The following PDE1C variants were observed in gnomAD, a reference collection of about 807,000 sequenced individuals.
The protein encoded by PDE1C is phosphodiesterase 1C.
A neutral mutation model predicts 93.1 loss-of-function variants in PDE1C; 62 were observed. The ratio of observed to expected loss-of-function variants is 0.67; its 90% CI spans 0.54 to 0.82. PDE1C has a LOEUF of 0.82. Ranked by LOEUF, PDE1C falls within the 40% of genes least tolerant of loss-of-function variation. The probability of loss-of-function intolerance (pLI) is 0.00; values close to 1 mark genes in which losing one functional copy is unlikely to be tolerated. For missense variants in PDE1C, 742 were observed against 884.6 expected (o/e 0.84, Z 2.04); for synonymous variants, 325 against 310.1 (o/e 1.05, Z -0.50).
At chr7:32,201,581 C>A (rs1403063377) in intron 2 of PDE1C, among the ~76,000 whole-genome samples, 1 of 152,180 alleles carries the variant, frequency 6.6e-6, no homozygotes, top group East Asian at 1.9e-4. Context: ...TCCATCAAAG[C>A]AAGAGAGATA....
chr7:32,391,482 C>G (rs1784749601), intron 1 of PDE1C, among the ~76,000 whole-genome samples: 1 of 152,060 alleles, frequency 6.6e-6, no homozygotes. Flanking sequence ...AATTCAAACA[C>G]CATCATCAAA....
At chr7:32,320,280 C>T (rs1783262490) in intron 1 of PDE1C, among the ~76,000 whole-genome samples, 1 of 152,060 alleles carries the variant, frequency 6.6e-6, no homozygotes, top group Admixed American at 6.5e-5. Context: ...TTTCTATCCT[C>T]TTGGTTAGTC....
chr7:31,930,846 C>A (rs868029880), intron 2 of PDE1C, among the ~76,000 whole-genome samples: 47 of 29,576 alleles, frequency 1.6e-3, no homozygotes, highest in South Asian at 3.2e-3. Context: ...AAGACTCTGT[C>A]TCAAAAAAAA....
At chr7:32,264,186 G>C (rs1197321937) in intron 1 of PDE1C, among the ~76,000 whole-genome samples, 1 of 152,120 alleles carries the variant, frequency 6.6e-6, no homozygotes, top group Non-Finnish European at 1.5e-5. Flanking sequence ...AGAATCACTA[G>C]ATAGAGAATT....
At chr7:32,076,651 AAAAAAAG>A in intron 3 of PDE1C, among the ~76,000 whole-genome samples, 1 of 129,688 alleles carries the variant, frequency 7.7e-6, no homozygotes, top group African/African-American at 2.9e-5. Context: ...TCAAAAAAAA[AAAAAAAG>A]AAAAAAAGAA....
chr7:31,718,635 C>A, the PDE1C span, among the ~76,000 whole-genome samples: 1 of 152,088 alleles, frequency 6.6e-6, no homozygotes. Context: ...GCACATGGGG[C>A]CCCCATTCAT....
chr7:32,070,227 C>T (rs974854482), intron 1 of PDE1C, 66 bp downstream of exon 1: 10 of 1,605,452 alleles, frequency 6.2e-6, no homozygotes, highest in Non-Finnish European at 8.5e-6. Flanking sequence ...GTCGTGACTG[C>T]GGCTGTGTGG....
chr7:32,175,086 C>A (rs1470650634), intron 2 of PDE1C, among the ~76,000 whole-genome samples: 3 of 152,094 alleles, frequency 2.0e-5, no homozygotes, highest in African/African-American at 7.2e-5. Context: ...TACCAGCCCC[C>A]ACAAAGATAC....
chr7:31,733,897 G>C, the PDE1C span, among the ~76,000 whole-genome samples: 2 of 152,076 alleles, frequency 1.3e-5, no homozygotes, highest in Non-Finnish European at 2.9e-5. Flanking sequence ...CCAGCTACTC[G>C]GGAGGCTGAG....
At chr7:31,900,435 T>A (rs1799827647) in intron 2 of PDE1C, among the ~76,000 whole-genome samples, 1 of 150,528 alleles carries the variant, frequency 6.6e-6, no homozygotes. Flanking sequence ...TTTACTGTAA[T>A]ATACAATCCT....
chr7:31,651,224 TG>T, the PDE1C span: 5 of 1,613,584 alleles, frequency 3.1e-6, no homozygotes, highest in Non-Finnish European at 4.2e-6. Context: ...CAGCACCTTA[TG>T]GGACAGCAGG....
the PDE1C span, among the ~76,000 whole-genome samples, chr7:31,628,456 T>C: frequency 1.9e-3 from 285 of 150,200 alleles, 3 homozygotes; most frequent in African/African-American, 6.7e-3. Context: ...TCCTTTTTTT[T>C]TTTTCTTTTT....
At chr7:31,645,952 A>G in the PDE1C span, among the ~76,000 whole-genome samples, 30,663 of 152,104 alleles carry the variant, frequency 0.2, 3,187 homozygotes, top group Non-Finnish European at 0.2. Flanking sequence ...AATGTTAGGG[A>G]TGAAAGATAG....
chr7:31,910,833 GC>G (rs1801139754), intron 2 of PDE1C, among the ~76,000 whole-genome samples: 1 of 152,144 alleles, frequency 6.6e-6, no homozygotes, highest in African/African-American at 2.4e-5. Flanking sequence ...AGTTTATAAT[GC>G]ATTTAAGAGG....
In PDE1C at chr7:31,778,718, G is replaced by T. The variant is rs1783182875; in HGVS notation, c.1892-2986C>A. 2.6e-5 allele frequency among the ~76,000 whole-genome samples: 4 copies of T among 152,288 alleles called. No homozygotes were observed. In the South Asian group the frequency reaches 8.3e-4, roughly 32 times the overall value. On this transcript the variant is annotated intron_variant, in intron 16 of 17. Transcript: ENST00000396191. Reference sequence around the variant, plus strand: ...TCCCACATATTAAGCAGTTACTGTGGCCCTGGTGCCATATTACGTAGGCAC... The same window carrying T: ...TCCCACATATTAAGCAGTTACTGTGTCCCTGGTGCCATATTACGTAGGCAC...
chr7:32,378,860 C>T (rs1223678885), intron 1 of PDE1C, among the ~76,000 whole-genome samples: 10 of 152,218 alleles, frequency 6.6e-5, no homozygotes, highest in Non-Finnish European at 1.5e-4. Context: ...ATAACTTCAT[C>T]TCCTGCATGG....
intron 3 of PDE1C, among the ~76,000 whole-genome samples, chr7:32,136,177 T>G (rs776079856): frequency 2.0e-5 from 3 of 152,080 alleles, no homozygotes; most frequent in Non-Finnish European, 4.4e-5. Context: ...GATGAACAAG[T>G]TAAGGGGATC....
chr7:31,679,178 C>T, the PDE1C span, among the ~76,000 whole-genome samples: 1 of 152,172 alleles, frequency 6.6e-6, no homozygotes, highest in South Asian at 2.1e-4. Flanking sequence ...AGAGCTGCCA[C>T]TTCCAGGCCA....
At chr7:31,654,053 C>CAAA in the PDE1C span, among the ~76,000 whole-genome samples, 175 of 130,308 alleles carry the variant, frequency 1.3e-3, no homozygotes, top group African/African-American at 4.8e-3. Flanking sequence ...AGAGTAAGTC[C>CAAA]AAAAAAAAAA....
Sources: allele counts gnomAD v4.1 joint callset (sites outside exome capture counted in the v4.1 genomes callset), GRCh38; gene constraint gnomAD v4.1.1; transcripts MANE v1.5; gene names NCBI Gene and HGNC (gene_info 2026-07-23, HGNC 2026-07-21).